The following MYMX variants were observed in gnomAD, a reference collection of about 807,000 sequenced individuals.
MYMX encodes protein myomixer.
At chr6:44,211,408 G>T in the MYMX span, among the ~76,000 whole-genome samples, 1 of 152,060 alleles carries the variant, frequency 6.6e-6, no homozygotes, top group Non-Finnish European at 1.5e-5. Flanking sequence ...TATTAATTTT[G>T]TCTAGTTTGG....
chr6:44,207,450 C>A, the MYMX span, among the ~76,000 whole-genome samples: 1 of 151,634 alleles, frequency 6.6e-6, no homozygotes, highest in African/African-American at 2.4e-5. Flanking sequence ...TCTTTGCTTT[C>A]TTTGGCTGTC....
chr6:44,210,509 G>A, the MYMX span, among the ~76,000 whole-genome samples: 3 of 151,874 alleles, frequency 2.0e-5, no homozygotes, highest in Non-Finnish European at 4.4e-5. Context: ...GGTCTCCAAG[G>A]CCTGGGGGCC....
At chr6:44,208,246 CAAA>C in the MYMX span, among the ~76,000 whole-genome samples, 6 of 123,246 alleles carry the variant, frequency 4.9e-5, no homozygotes, top group African/African-American at 6.0e-5. Flanking sequence ...GATCTTGTCT[CAAA>C]AAAAAAAAAA....
chr6:44,213,818 A>G (rs1173471002), upstream of MYMX, among the ~76,000 whole-genome samples: 1 of 150,386 alleles, frequency 6.6e-6, no homozygotes, highest in East Asian at 2.0e-4. Context: ...ATAAATTTTT[A>G]TTTCTTTTTT....
chr6:44,198,211 G>A, the MYMX span, among the ~76,000 whole-genome samples: 7 of 130,818 alleles, frequency 5.4e-5, no homozygotes, highest in African/African-American at 1.2e-4. Context: ...CACCCAGGCT[G>A]GAGTGCAGTG....
chr6:44,209,406 C>T, the MYMX span, among the ~76,000 whole-genome samples: 1 of 152,168 alleles, frequency 6.6e-6, no homozygotes, highest in Non-Finnish European at 1.5e-5. Flanking sequence ...GCAGGCACCA[C>T]GCCCGGCCAA....
the MYMX span, among the ~76,000 whole-genome samples, chr6:44,195,887 G>T: frequency 0.3 from 45,761 of 151,914 alleles, 7,334 homozygotes; most frequent in East Asian, 0.41. Context: ...GGACACTTAA[G>T]TTGTTTCTAA....
the MYMX span, among the ~76,000 whole-genome samples, chr6:44,200,016 G>A: frequency 2.6e-5 from 4 of 152,050 alleles, no homozygotes; most frequent in Admixed American, 2.6e-4. Flanking sequence ...ATTATAGCCA[G>A]GCACAGTGGC....
the MYMX span, among the ~76,000 whole-genome samples, chr6:44,211,788 T>TTGTGTGTGTGTGTGTG: frequency 0.094 from 11,914 of 126,178 alleles, 758 homozygotes; most frequent in East Asian, 0.17. Flanking sequence ...CAGCTAGGTT[T>TTGTGTGTGTGTGTGTG]TGTGTGTGTG....
the MYMX span, among the ~76,000 whole-genome samples, chr6:44,205,677 C>T: frequency 0.016 from 2,395 of 151,826 alleles, 39 homozygotes; most frequent in Middle Eastern, 0.054. Flanking sequence ...GGCATGGTGG[C>T]GGGCGCCTGT....
intron 1 of MYMX, among the ~76,000 whole-genome samples, 162 bp from the exon 2 acceptor site, chr6:44,217,288 G>A (rs886736972): frequency 3.3e-5 from 5 of 152,124 alleles, no homozygotes; most frequent in African/African-American, 9.7e-5. Flanking sequence ...CAGCTGCCTT[G>A]CCAAGAGAAA....
At chr6:44,210,015 C>A in the MYMX span, 1 of 134,358 alleles carries the variant, frequency 7.4e-6, no homozygotes, top group Admixed American at 7.4e-5. Context: ...GGCGCGATCT[C>A]GGCTCACTGG....
the MYMX span, among the ~76,000 whole-genome samples, chr6:44,201,272 G>C: frequency 1.3e-5 from 2 of 152,186 alleles, no homozygotes; most frequent in African/African-American, 4.8e-5. Context: ...TTATGACAGG[G>C]CTGAGCTCCC....
At chr6:44,198,849 CA>C in the MYMX span, among the ~76,000 whole-genome samples, 1 of 152,036 alleles carries the variant, frequency 6.6e-6, no homozygotes, top group Non-Finnish European at 1.5e-5. Flanking sequence ...CTCCTGACCT[CA>C]AGTGATCTGT....
chr6:44,205,129 T>C, the MYMX span, among the ~76,000 whole-genome samples: 2 of 152,084 alleles, frequency 1.3e-5, no homozygotes, highest in Admixed American at 6.6e-5. Flanking sequence ...AGGTAGGTTG[T>C]GGGAGGTGAT....
rs1350337842 is a variant in MYMX at position 44,216,944 on chromosome 6, T to A, written c.-47T>A. 4 of 153,174 alleles carry A rather than the reference T, an allele frequency of 2.6e-5. No individual in the cohort carries two copies. The highest frequency in any genetic ancestry group is 9.6e-5 in the African/African-American group (4 of 41,496). The allele number at this position is 153,174 out of a possible 1,614,324, so 9.5% of individuals were successfully genotyped here. On this transcript the variant is annotated 5_prime_UTR_variant, in exon 1 of 2. Coordinates refer to ENST00000573382, the MANE Select transcript of MYMX (RefSeq NM_001315494.2). ...ACTCCAGGCAAATCCAGCCAGAGAC[T>A]GATTCTGAGCAGCAGTTCTGCCCGG...
At chr6:44,209,050 G>A in the MYMX span, among the ~76,000 whole-genome samples, 4 of 152,128 alleles carry the variant, frequency 2.6e-5, no homozygotes, top group Non-Finnish European at 4.4e-5. Flanking sequence ...TGCAACCTCC[G>A]TCTCCAGGGC....
chr6:44,199,114 C>T, the MYMX span, among the ~76,000 whole-genome samples: 3 of 152,160 alleles, frequency 2.0e-5, no homozygotes, highest in Non-Finnish European at 4.4e-5. Flanking sequence ...TTGCATTTTG[C>T]CACACTGTTT....
At chr6:44,207,392 G>A in the MYMX span, among the ~76,000 whole-genome samples, 11 of 152,114 alleles carry the variant, frequency 7.2e-5, no homozygotes, top group Non-Finnish European at 1.3e-4. Flanking sequence ...ACCCGCCTTG[G>A]CCTCCCAAAA....
Sources: allele counts gnomAD v4.1 joint callset (sites outside exome capture counted in the v4.1 genomes callset), GRCh38; gene constraint gnomAD v4.1.1; transcripts MANE v1.5; gene names NCBI Gene and HGNC (gene_info 2026-07-23, HGNC 2026-07-21).